Variants in TAS2R1 observed in about 807,000 individuals in gnomAD.
The protein encoded by TAS2R1 is taste 2 receptor member 1.
For missense variants in TAS2R1, 370 were observed against 353.4 expected (o/e 1.05, Z -0.38); for synonymous variants, 141 against 134.2 (o/e 1.05, Z -0.35).
chr5:9,873,164 C>G, the TAS2R1 span, among the ~76,000 whole-genome samples: 3 of 152,058 alleles, frequency 2.0e-5, no homozygotes, highest in East Asian at 1.9e-4. Context: ...TGCATGGGTG[C>G]TTGCTGCTGA....
At chr5:9,651,095 T>C (rs775769598) in intron 2 of TAS2R1, among the ~76,000 whole-genome samples, 3 of 152,096 alleles carry the variant, frequency 2.0e-5, no homozygotes, top group Admixed American at 6.5e-5. Flanking sequence ...ACTCAGAGTA[T>C]AAAAAGTTTC....
chr5:9,749,328 GC>G, the TAS2R1 span, among the ~76,000 whole-genome samples: 41 of 152,126 alleles, frequency 2.7e-4, no homozygotes, highest in Non-Finnish European at 5.0e-4. Flanking sequence ...GCTGAGGGCT[GC>G]CCCCTCCCAA....
At chr5:9,861,037 G>GTTTTTTTGTTTTTTTTTTTTTTTTTTTTT in the TAS2R1 span, among the ~76,000 whole-genome samples, 1 of 88,612 alleles carries the variant, frequency 1.1e-5, no homozygotes. Context: ...GGAAGATGAG[G>GTTTTTTTGTTTTTTTTTTTTTTTTTTTTT]TTTTTTTTTT....
the TAS2R1 span, among the ~76,000 whole-genome samples, chr5:9,743,071 A>T: frequency 6.6e-6 from 1 of 150,810 alleles, no homozygotes; most frequent in Non-Finnish European, 1.5e-5. Flanking sequence ...AGGTGATTAA[A>T]AAAAAAAAAG....
chr5:9,764,624 T>A, the TAS2R1 span, among the ~76,000 whole-genome samples: 1 of 152,152 alleles, frequency 6.6e-6, no homozygotes, highest in Admixed American at 6.5e-5. Context: ...TAGAAGCATA[T>A]ATGTAAACAT....
At chr5:9,688,707 G>A (rs1165566567) in intron 1 of TAS2R1, among the ~76,000 whole-genome samples, 2 of 152,112 alleles carry the variant, frequency 1.3e-5, no homozygotes, top group African/African-American at 4.8e-5. Flanking sequence ...CACAGAACAG[G>A]GCAGAAATGC....
chr5:9,903,106 C>T, the TAS2R1 span, among the ~76,000 whole-genome samples: 32 of 151,956 alleles, frequency 2.1e-4, 1 homozygote, highest in Admixed American at 4.6e-4. Context: ...CAAGTACACT[C>T]AGGTTATTTT....
intron 2 of TAS2R1, among the ~76,000 whole-genome samples, chr5:9,642,636 C>T (rs543193988): frequency 6.6e-6 from 1 of 152,294 alleles, no homozygotes; most frequent in East Asian, 1.9e-4. Context: ...CTTGTCCCTT[C>T]CCTTGCTCAA....
At chr5:9,661,555 TA>T (rs1198028326) in intron 1 of TAS2R1, among the ~76,000 whole-genome samples, 1 of 152,248 alleles carries the variant, frequency 6.6e-6, no homozygotes, top group East Asian at 1.9e-4. Context: ...CTGGTTCTAA[TA>T]TCAGTTGTCT....
upstream of TAS2R1, among the ~76,000 whole-genome samples, chr5:9,716,707 T>C (rs1482094140): frequency 6.6e-6 from 1 of 152,206 alleles, no homozygotes; most frequent in African/African-American, 2.4e-5. Flanking sequence ...AATTTGTACC[T>C]TCTCTTTGTA....
chr5:9,707,557 C>T (rs1741642017), intron 1 of TAS2R1, among the ~76,000 whole-genome samples: 1 of 152,166 alleles, frequency 6.6e-6, no homozygotes, highest in Admixed American at 6.5e-5. Flanking sequence ...GTGGTGTGTG[C>T]CTGTAGTCCC....
chr5:9,799,634 A>G, the TAS2R1 span, among the ~76,000 whole-genome samples: 2 of 152,222 alleles, frequency 1.3e-5, no homozygotes, highest in African/African-American at 2.4e-5. Context: ...CTCTGTCACT[A>G]TATCACTAAA....
chr5:9,788,624 C>T, the TAS2R1 span, among the ~76,000 whole-genome samples: 3 of 152,078 alleles, frequency 2.0e-5, no homozygotes, highest in Non-Finnish European at 4.4e-5. Flanking sequence ...GAGCAGATAG[C>T]CACAAAGAAA....
the TAS2R1 span, among the ~76,000 whole-genome samples, chr5:9,798,201 C>T: frequency 2.0e-5 from 3 of 152,106 alleles, no homozygotes; most frequent in African/African-American, 7.2e-5. Context: ...AGAGAAGATT[C>T]GTGGTTGCCT....
the TAS2R1 span, among the ~76,000 whole-genome samples, chr5:9,758,285 A>G: frequency 6.6e-6 from 1 of 152,202 alleles, no homozygotes; most frequent in Non-Finnish European, 1.5e-5. Context: ...AAGAAATCAT[A>G]CCAGTCCAAT....
At chr5:9,741,493 T>A in the TAS2R1 span, among the ~76,000 whole-genome samples, 1 of 152,190 alleles carries the variant, frequency 6.6e-6, no homozygotes, top group African/African-American at 2.4e-5. Flanking sequence ...TTCTTATGTC[T>A]AATGTTGATA....
the TAS2R1 span, among the ~76,000 whole-genome samples, chr5:9,717,479 G>A: frequency 6.6e-6 from 1 of 152,166 alleles, no homozygotes; most frequent in South Asian, 2.1e-4. Flanking sequence ...ATTCTAAGGA[G>A]CTTTTTAATG....
the TAS2R1 span, among the ~76,000 whole-genome samples, chr5:9,730,470 C>T: frequency 1.2e-4 from 18 of 152,272 alleles, no homozygotes; most frequent in South Asian, 1.2e-3. Context: ...CAAATAAAGG[C>T]GCTGCCACAC....
At chr5:9,754,143 C>A in the TAS2R1 span, among the ~76,000 whole-genome samples, 2 of 152,026 alleles carry the variant, frequency 1.3e-5, no homozygotes, top group Non-Finnish European at 2.9e-5. Flanking sequence ...ATAAACAGAA[C>A]CAAAAACAAA....
Sources: allele counts gnomAD v4.1 joint callset (sites outside exome capture counted in the v4.1 genomes callset), GRCh38; gene constraint gnomAD v4.1.1; transcripts MANE v1.5; gene names NCBI Gene and HGNC (gene_info 2026-07-23, HGNC 2026-07-21).